EBF2: variants seen among roughly 807,000 people sequenced by gnomAD.
EBF2 encodes EBF transcription factor 2, also known as transcription factor COE2.
A neutral mutation model predicts 72.8 loss-of-function variants in EBF2; 21 were observed. The observed-to-expected ratio is 0.29, with a 90% CI of 0.20 to 0.42. EBF2 has a LOEUF of 0.42. Among genes scored for constraint, EBF2 ranks in the 10% least tolerant of loss-of-function variants. The pLI is 1.00. For missense variants in EBF2, 637 were observed against 731.2 expected, an observed-to-expected ratio of 0.87 and a Z score of 1.49; for synonymous variants, 299 against 274.2, an observed-to-expected ratio of 1.09 and a Z score of -0.89.
chr8:25,846,879 G>A (rs539904287), intron 15 of EBF2, among the ~76,000 whole-genome samples: 1 of 152,256 alleles, frequency 6.6e-6, no homozygotes, highest in Admixed American at 6.5e-5. Flanking sequence ...GGTGGAAACT[G>A]ACTTTTTGCT....
intron 14 of EBF2, 121 bp downstream of exon 14, chr8:25,858,198 A>T: frequency 8.0e-7 from 1 of 1,250,760 alleles, no homozygotes; most frequent in South Asian, 1.3e-5. Context: ...TTAATCAGGA[A>T]ACTAGGCTGC....
intron 14 of EBF2, among the ~76,000 whole-genome samples, chr8:25,855,123 G>A (rs111498675): frequency 0.014 from 2,059 of 152,252 alleles, 15 homozygotes; most frequent in Non-Finnish European, 0.021. Context: ...AGAAAAGTAC[G>A]TCTGGCCCAG....
chr8:26,030,942 G>A (rs1053045170), intron 6 of EBF2, among the ~76,000 whole-genome samples: 1 of 152,166 alleles, frequency 6.6e-6, no homozygotes, highest in African/African-American at 2.4e-5. Context: ...CATGTAATAT[G>A]TGTGTTACAT....
chr8:26,042,116 C>T lies in EBF2; in HGVS notation c.267G>A (p.Val89=). ...TTACTTTGTCATTCTCCACAAAGTC[C>T]ACGAAGGCCGTCCGCTCGATCTCCA... ...QPVEIERTAF[V]DFVENDKEQG... The change falls in exon 2 of 16, where the codon GTG becomes GTA. Residue 89 remains valine, a synonymous_variant. Transcript: ENST00000520164. 6.2e-7 allele frequency: 1 copy of T among 1,613,606 alleles called. No individual in the cohort carries two copies. The highest frequency in any genetic ancestry group is 1.1e-5 in the South Asian group (1 of 91,042).
At chr8:25,945,088 G>GCCCCCCCCCCCCCCCCCCCC (rs11461828) in intron 6 of EBF2, among the ~76,000 whole-genome samples, 2 of 127,376 alleles carry the variant, frequency 1.6e-5, no homozygotes, top group Admixed American at 9.1e-5. Flanking sequence ...TTGTTCTGTT[G>GCCCCCCCCCCCCCCCCCCCC]CCCCCCCCGC....
intron 6 of EBF2, among the ~76,000 whole-genome samples, chr8:25,957,877 A>G (rs1264225779): frequency 1.3e-5 from 2 of 152,138 alleles, no homozygotes; most frequent in Non-Finnish European, 2.9e-5. Flanking sequence ...ACCAAATAAG[A>G]TGGTGTTTAA....
Position 26,045,406 on chromosome 8 carries a change from A to T in EBF2, c.-547T>A, listed in dbSNP as rs1288434153. The T allele has an allele frequency of 1.3e-5, 2 of 152,250 alleles. No homozygotes were observed. The highest frequency in any genetic ancestry group is 4.8e-5 in the African/African-American group (2 of 41,448). The allele number at this position is 152,250 out of a possible 1,614,324, so 9.4% of individuals were successfully genotyped here. A position where few individuals can be genotyped will look rare whatever the true frequency, so the allele number is the denominator to read the frequency against. Reference sequence around the variant, plus strand: ...GCGCGGGCCCCATGAATGGGTTACTACGGCCCTGGCTGCGGGAGGCGGAGC... The same window carrying T: ...GCGCGGGCCCCATGAATGGGTTACTTCGGCCCTGGCTGCGGGAGGCGGAGC... On this transcript the variant is annotated 5_prime_UTR_variant, in exon 1 of 16. Coordinates refer to ENST00000520164, the MANE Select transcript of EBF2 (RefSeq NM_022659.4).
chr8:25,979,896 C>T (rs1407071208), intron 6 of EBF2, among the ~76,000 whole-genome samples: 1 of 152,216 alleles, frequency 6.6e-6, no homozygotes, highest in South Asian at 2.1e-4. Context: ...ACCCACCCAA[C>T]CATCCCCTCC....
intron 2 of EBF2, 44 bp downstream of exon 2, chr8:26,042,051 G>A (rs1563217440): frequency 6.2e-7 from 1 of 1,600,986 alleles, no homozygotes; most frequent in South Asian, 1.1e-5. Context: ...CTTCGCAAGA[G>A]GGAGTTATTA....
At chr8:25,945,984 A>G (rs557676462) in intron 6 of EBF2, among the ~76,000 whole-genome samples, 7 of 152,166 alleles carry the variant, frequency 4.6e-5, no homozygotes, top group Non-Finnish European at 1.0e-4. Context: ...GTGGCAGAAC[A>G]GCTACCACCT....
chr8:25,994,953 T>C (rs1804600212), intron 6 of EBF2, among the ~76,000 whole-genome samples: 1 of 151,892 alleles, frequency 6.6e-6, no homozygotes, highest in South Asian at 2.1e-4. Flanking sequence ...AAAAATTAAA[T>C]AAATAAATAC....
chr8:26,005,766 G>A (rs4872384), intron 6 of EBF2, among the ~76,000 whole-genome samples: 11,016 of 147,422 alleles, frequency 0.075, 812 homozygotes, highest in East Asian at 0.34. Flanking sequence ...GGGAGGTGGC[G>A]GCTGCAGTGA....
At chr8:25,855,327 A>G (rs1182847747) in intron 14 of EBF2, among the ~76,000 whole-genome samples, 1 of 152,210 alleles carries the variant, frequency 6.6e-6, no homozygotes, top group East Asian at 1.9e-4. Flanking sequence ...GAATTCAGCC[A>G]TAAAAACTTG....
chr8:26,031,141 A>G (rs1436257857), intron 6 of EBF2, among the ~76,000 whole-genome samples: 2 of 152,166 alleles, frequency 1.3e-5, no homozygotes, highest in Non-Finnish European at 2.9e-5. Context: ...ACGAAAAAGG[A>G]TGTAACAGTC....
At chr8:25,933,741 A>T (rs974645315) in intron 6 of EBF2, among the ~76,000 whole-genome samples, 17 of 152,238 alleles carry the variant, frequency 1.1e-4, no homozygotes, top group African/African-American at 3.9e-4. Flanking sequence ...TATTTAAATT[A>T]TGTTATAGAA....
chr8:25,954,251 A>G (rs1803908411), intron 6 of EBF2, among the ~76,000 whole-genome samples: 1 of 152,148 alleles, frequency 6.6e-6, no homozygotes, highest in Non-Finnish European at 1.5e-5. Context: ...TGGAAACCCA[A>G]ACTGCTTTCC....
intron 5 of EBF2, among the ~76,000 whole-genome samples, chr8:26,035,805 C>G (rs1805491873): frequency 6.6e-6 from 1 of 152,126 alleles, no homozygotes; most frequent in Admixed American, 6.5e-5. Flanking sequence ...TTCAATCCAT[C>G]CCAAGATTAA....
At chr8:25,994,556 A>G (rs1028442130) in intron 6 of EBF2, among the ~76,000 whole-genome samples, 2 of 152,246 alleles carry the variant, frequency 1.3e-5, no homozygotes, top group African/African-American at 4.8e-5. Flanking sequence ...AAAATGGTGA[A>G]CTGGATAAGG....
At chr8:25,892,454 G>A (rs190145542) in intron 7 of EBF2, among the ~76,000 whole-genome samples, 1 of 152,072 alleles carries the variant, frequency 6.6e-6, no homozygotes, top group Non-Finnish European at 1.5e-5. Context: ...AATCTTAGCT[G>A]TCCAATTTAC....
Sources: allele counts gnomAD v4.1 joint callset (sites outside exome capture counted in the v4.1 genomes callset), GRCh38; gene constraint gnomAD v4.1.1; transcripts MANE v1.5; gene names NCBI Gene and HGNC (gene_info 2026-07-23, HGNC 2026-07-21).